Variants in ADCY2 observed in about 807,000 individuals in gnomAD.
ADCY2 encodes adenylate cyclase 2.
A neutral mutation model predicts 125.2 loss-of-function variants in ADCY2; 31 were observed. The ratio of observed to expected loss-of-function variants is 0.25; its 90% CI spans 0.19 to 0.33. The LOEUF (loss-of-function observed/expected upper bound fraction) is 0.33. Among genes scored for constraint, ADCY2 ranks in the 10% least tolerant of loss-of-function variants. The pLI, the probability that ADCY2 is intolerant of heterozygous loss-of-function variation, is 1.00. For missense variants in ADCY2, 904 were observed against 1,418.2 expected, an observed-to-expected ratio of 0.64 and a Z score of 5.82; for synonymous variants, 512 against 548.4, an observed-to-expected ratio of 0.93 and a Z score of 0.93.
Position 7,548,242 on chromosome 5 carries a change from T to C in ADCY2, c.570+27343T>C, listed in dbSNP as rs541089192. The stretch of plus-strand genomic sequence containing the variant: ...TTTTTAAATTAATTTTTGTCTTCAG[T>C]ATAAAAAGAAAAAATAGCATTATCT... On this transcript the variant is annotated intron_variant, in intron 3 of 24. Coordinates refer to ENST00000338316, the MANE Select transcript of ADCY2 (RefSeq NM_020546.3). Among the ~76,000 whole-genome samples the C allele has an allele frequency of 2.9e-4, 44 of 152,216 alleles. 1 individual carries two copies. Among genetic ancestry groups the C allele is most frequent in the African/African-American group, 1.0e-3 (43 of 41,560 alleles).
intron 10 of ADCY2, among the ~76,000 whole-genome samples, chr5:7,711,171 T>C (rs1741428493): frequency 6.6e-6 from 1 of 152,116 alleles, no homozygotes; most frequent in Non-Finnish European, 1.5e-5. Flanking sequence ...GTAGATGACA[T>C]TTGAAGCCAT....
At chr5:7,735,405 A>G (rs187229240) in intron 14 of ADCY2, among the ~76,000 whole-genome samples, 1 of 152,208 alleles carries the variant, frequency 6.6e-6, no homozygotes, top group Non-Finnish European at 1.5e-5. Context: ...TTCTTATTCA[A>G]TCTGAAGAGA....
At chr5:7,715,924 T>C (rs1177581576) in intron 11 of ADCY2, among the ~76,000 whole-genome samples, 1 of 152,254 alleles carries the variant, frequency 6.6e-6, no homozygotes, top group Non-Finnish European at 1.5e-5. Flanking sequence ...TATTCATTTG[T>C]AATCTAATCA....
chr5:7,785,401 G>A (rs1238846121), intron 19 of ADCY2, among the ~76,000 whole-genome samples: 1 of 152,174 alleles, frequency 6.6e-6, no homozygotes, highest in Non-Finnish European at 1.5e-5. Flanking sequence ...GGAGCTCATG[G>A]TGCAGCCCTC....
intron 4 of ADCY2, among the ~76,000 whole-genome samples, chr5:7,642,740 A>T (rs1317532605): frequency 1.3e-5 from 2 of 152,162 alleles, no homozygotes; most frequent in East Asian, 3.8e-4. Context: ...TGTACAAATG[A>T]ATTCCCATGA....
At chr5:7,405,480 A>G (rs1386802499) in intron 1 of ADCY2, among the ~76,000 whole-genome samples, 2 of 152,160 alleles carry the variant, frequency 1.3e-5, no homozygotes, top group Non-Finnish European at 2.9e-5. Context: ...CTGGCAGGCT[A>G]TCCACCATGG....
intron 3 of ADCY2, among the ~76,000 whole-genome samples, chr5:7,556,767 C>G (rs986457981): frequency 6.6e-6 from 1 of 152,042 alleles, no homozygotes; most frequent in Non-Finnish European, 1.5e-5. Flanking sequence ...AGAGCGGGAA[C>G]CCTATTATGA....
intron 4 of ADCY2, among the ~76,000 whole-genome samples, chr5:7,644,229 G>A (rs1044052177): frequency 1.1e-4 from 16 of 151,828 alleles, no homozygotes; most frequent in Admixed American, 5.3e-4. Context: ...TAAATTCACC[G>A]TTCAACTGAA....
intron 1 of ADCY2, among the ~76,000 whole-genome samples, chr5:7,404,589 A>G (rs531160590): frequency 6.6e-6 from 1 of 152,240 alleles, no homozygotes; most frequent in South Asian, 2.1e-4. Context: ...TTCCATGTCT[A>G]ACTACTGGCG....
intron 3 of ADCY2, among the ~76,000 whole-genome samples, chr5:7,553,472 C>T (rs1735404115): frequency 6.6e-6 from 1 of 152,182 alleles, no homozygotes; most frequent in Non-Finnish European, 1.5e-5. Flanking sequence ...GCCTTCTTTT[C>T]AGGCTTCCCA....
intron 14 of ADCY2, among the ~76,000 whole-genome samples, chr5:7,735,308 A>T (rs1189772469): frequency 6.6e-6 from 1 of 152,148 alleles, no homozygotes; most frequent in Non-Finnish European, 1.5e-5. Context: ...TTACAATCTG[A>T]TGCCTTTTAT....
intron 4 of ADCY2, among the ~76,000 whole-genome samples, chr5:7,668,887 G>T (rs1412688850): frequency 6.6e-6 from 1 of 152,174 alleles, no homozygotes; most frequent in Admixed American, 6.5e-5. Flanking sequence ...TTTTGGAATA[G>T]CCTGAAATCC....
intron 24 of ADCY2, among the ~76,000 whole-genome samples, chr5:7,826,095 C>G (rs1287407418): frequency 6.6e-6 from 1 of 152,250 alleles, no homozygotes; most frequent in Non-Finnish European, 1.5e-5. Context: ...GCATCATGCT[C>G]ATGCGGACAC....
chr5:7,621,794 T>C (rs1409010893), intron 3 of ADCY2, among the ~76,000 whole-genome samples: 1 of 152,138 alleles, frequency 6.6e-6, no homozygotes, highest in Non-Finnish European at 1.5e-5. Context: ...ATGTGAAGTG[T>C]TGACAAATCA....
chr5:7,502,527 C>A (rs995814952), intron 2 of ADCY2, among the ~76,000 whole-genome samples: 1 of 152,216 alleles, frequency 6.6e-6, no homozygotes, highest in African/African-American at 2.4e-5. Flanking sequence ...TTCTGTGCTT[C>A]CGGGCTGATC....
At chr5:7,815,016 C>A (rs983859476) in intron 22 of ADCY2, among the ~76,000 whole-genome samples, 3 of 152,260 alleles carry the variant, frequency 2.0e-5, no homozygotes, top group African/African-American at 7.2e-5. Flanking sequence ...ACTCTCCTTT[C>A]TTCCCTTGGA....
At chr5:7,418,601 G>T (rs887267476) in intron 2 of ADCY2, among the ~76,000 whole-genome samples, 1 of 150,218 alleles carries the variant, frequency 6.7e-6, no homozygotes, top group African/African-American at 2.5e-5. Flanking sequence ...TCCATTCTAT[G>T]GGAATGGGGG....
At chr5:7,714,149 C>T (rs912047343) in intron 11 of ADCY2, among the ~76,000 whole-genome samples, 3 of 152,214 alleles carry the variant, frequency 2.0e-5, no homozygotes, top group African/African-American at 7.2e-5. Flanking sequence ...ATAAAGAGAA[C>T]TTAAGCTAAT....
intron 2 of ADCY2, among the ~76,000 whole-genome samples, chr5:7,445,199 A>C (rs1287986017): frequency 6.6e-6 from 1 of 152,164 alleles, no homozygotes; most frequent in African/African-American, 2.4e-5. Flanking sequence ...GTGCACTTTC[A>C]TGAGCTCAGT....
Sources: gnomAD v4.1 joint callset for allele counts (sites outside exome capture counted in the v4.1 genomes callset) on GRCh38, gnomAD v4.1.1 for gene constraint, MANE v1.5 for transcripts, NCBI Gene and HGNC (gene_info 2026-07-23, HGNC 2026-07-21) for gene names.